The following CDKL5 variants were observed in gnomAD, a reference collection of about 807,000 sequenced individuals.
CDKL5 encodes cyclin-dependent kinase-like 5.
CDKL5 carries 8 observed loss-of-function variants against 61.7 expected under a neutral mutation model. The ratio of observed to expected loss-of-function variants is 0.13; its 90% CI spans 0.08 to 0.23. CDKL5 has a LOEUF of 0.23. Among genes scored for constraint, CDKL5 ranks in the 10% least tolerant of loss-of-function variants. The pLI is 1.00. For synonymous variants in CDKL5, 275 were observed against 272.3 expected (o/e 1.01, Z -0.10); for missense variants, 440 against 734.5 (o/e 0.60, Z 4.63).
intron 9 of CDKL5, 35 bp downstream of exon 9, chrX:18,588,178 A>G (rs998525792): frequency 2.2e-5 from 23 of 1,035,715 alleles, no homozygotes; most frequent in Non-Finnish European, 3.1e-5. Flanking sequence ...AATGGAATCA[A>G]TACTGCAGTA....
In CDKL5 at chrX:18,598,233, T is replaced by G. The variant is rs745323086; in HGVS notation, c.826-229T>G. The stretch of plus-strand genomic sequence containing the variant: ...TGTGTATATTTTGTAAAAGAAAATA[T>G]GTATATAGGATATTCAAAAAAGGGC... On this transcript the variant is annotated intron_variant, in intron 10 of 17. Transcript: ENST00000623535. Among the ~76,000 whole-genome samples, 6 of 111,545 alleles carry G rather than the reference T, an allele frequency of 5.4e-5. No homozygotes were observed. The East Asian group carries it at 1.7e-3, about 31-fold the overall frequency.
At position 18,632,835 on chromosome X, in the gene CDKL5, A is replaced by G; in HGVS notation, c.*4078A>G. On this transcript the variant is annotated 3_prime_UTR_variant, in exon 18 of 18. Coordinates refer to ENST00000623535, the MANE Select transcript of CDKL5 (RefSeq NM_001323289.2). ...TTTCCAGCCCCTCTTAGTTAAGATC[A>G]TAGTATCCTCACTTCTTAAACTAGT... 1.3e-6 allele frequency: 1 copy of G among 753,261 alleles called. No homozygotes were observed. Among genetic ancestry groups the G allele is most frequent in the African/African-American group, 2.3e-5 (1 of 43,926 alleles). The allele number at this position is 753,261 out of a possible 1,213,427, so 62.1% of individuals were successfully genotyped here.
chrX:18,509,197 G>GCACACGCGCACGCACACACA (rs1555940192), intron 2 of CDKL5, among the ~76,000 whole-genome samples: 3 of 64,314 alleles, frequency 4.7e-5, no homozygotes, highest in African/African-American at 1.8e-4. Flanking sequence ...CTCAAAACAC[G>GCACACGCGCACGCACACACA]CACACACACA....
At chrX:18,494,881 C>CA (rs1343122406) in intron 1 of CDKL5, among the ~76,000 whole-genome samples, 1 of 111,825 alleles carries the variant, frequency 8.9e-6, no homozygotes, top group East Asian at 2.8e-4. Context: ...GAGAATAAAG[C>CA]AAAATGAAGA....
intron 1 of CDKL5, among the ~76,000 whole-genome samples, chrX:18,432,920 A>C (rs1245835347): frequency 8.9e-6 from 1 of 112,282 alleles, no homozygotes; most frequent in African/African-American, 3.2e-5. Context: ...GGTCTAAAAG[A>C]TGTCCTTAAA....
intron 4 of CDKL5, among the ~76,000 whole-genome samples, chrX:18,570,691 C>T (rs1304042187): frequency 1.8e-5 from 2 of 111,698 alleles, no homozygotes; most frequent in African/African-American, 6.5e-5. Context: ...TTTCTAAGCC[C>T]ACAGTTCTTT....
chrX:18,548,907 A>T (rs990778789), intron 3 of CDKL5, among the ~76,000 whole-genome samples: 2 of 112,070 alleles, frequency 1.8e-5, no homozygotes, highest in African/African-American at 6.5e-5. Flanking sequence ...ACCTTGGTGC[A>T]TTGGCTTTAT....
At chrX:18,554,275 C>G (rs1372428144) in intron 3 of CDKL5, among the ~76,000 whole-genome samples, 1 of 105,285 alleles carries the variant, frequency 9.5e-6, no homozygotes, top group East Asian at 3.0e-4. Flanking sequence ...TCCAAGTGTT[C>G]TCATTTTGCC....
intron 1 of CDKL5, among the ~76,000 whole-genome samples, chrX:18,442,993 G>A (rs1602192832): frequency 9.0e-6 from 1 of 111,444 alleles, no homozygotes; most frequent in African/African-American, 3.3e-5. Context: ...CTCCTTAACC[G>A]TCAGCCCCTC....
intron 11 of CDKL5, among the ~76,000 whole-genome samples, chrX:18,600,745 G>T (rs1342507658): frequency 8.9e-6 from 1 of 111,823 alleles, no homozygotes; most frequent in Non-Finnish European, 1.9e-5. Flanking sequence ...CAGAAGATAT[G>T]ATTTGTTTGG....
chrX:18,620,605 C>G (rs1926862226), intron 16 of CDKL5, among the ~76,000 whole-genome samples: 1 of 111,644 alleles, frequency 9.0e-6, no homozygotes, highest in Non-Finnish European at 1.9e-5. Flanking sequence ...AAGCAAGGAT[C>G]CTGCTGGTTT....
intron 15 of CDKL5, among the ~76,000 whole-genome samples, chrX:18,618,961 A>G (rs781641044): frequency 9.0e-5 from 10 of 110,883 alleles, no homozygotes; most frequent in Admixed American, 3.9e-4. Flanking sequence ...AGAGCAAGAC[A>G]CTGTCTCAAA....
intron 1 of CDKL5, chrX:18,442,305 A>G (rs1303874428): frequency 9.0e-6 from 1 of 110,780 alleles, no homozygotes; most frequent in Non-Finnish European, 1.9e-5. Context: ...GTTTCACACT[A>G]TCTTTTCAGC....
intron 1 of CDKL5, among the ~76,000 whole-genome samples, chrX:18,441,079 G>A (rs760057634): frequency 9.0e-6 from 1 of 111,298 alleles, no homozygotes; most frequent in East Asian, 2.8e-4. Context: ...GGTCTGTGGA[G>A]GTTGTGAAAC....
intron 1 of CDKL5, among the ~76,000 whole-genome samples, chrX:18,484,219 G>A (rs776039222): frequency 5.4e-4 from 61 of 112,513 alleles, no homozygotes; most frequent in African/African-American, 1.9e-3. Context: ...AGAAGCGCAA[G>A]TAACTAACTA....
At chrX:18,466,835 T>C (rs901396138) in intron 1 of CDKL5, among the ~76,000 whole-genome samples, 1 of 111,548 alleles carries the variant, frequency 9.0e-6, no homozygotes, top group Non-Finnish European at 1.9e-5. Flanking sequence ...CTTGTTCTTA[T>C]GAGCCTCCTA....
intron 1 of CDKL5, among the ~76,000 whole-genome samples, chrX:18,485,098 CTTTTTTTTTT>C (rs767729217): frequency 9.9e-6 from 1 of 100,781 alleles, no homozygotes; most frequent in Non-Finnish European, 2.0e-5. Context: ...ATTTTTTTTT[CTTTTTTTTTT>C]TTAATATAAT....
At position 18,541,522 on chromosome X, in the gene CDKL5, G is replaced by T. The variant is rs184071430; in HGVS notation, c.100-22955G>T. On this transcript the variant is annotated intron_variant, in intron 3 of 17. Coordinates refer to ENST00000623535, the MANE Select transcript of CDKL5 (RefSeq NM_001323289.2). ...ATTTTTCAATTCATAAGGTTTTTTT[G>T]TTGTTGTTGTTCGTTTTTGTTTTTT... Among the ~76,000 whole-genome samples the T allele has an allele frequency of 6.3e-3, 703 of 111,136 alleles. 3 individuals carry two copies. The highest frequency in any genetic ancestry group is 0.033 in the Middle Eastern group (7 of 215).
At chrX:18,618,893 C>T (rs1404764378) in intron 15 of CDKL5, among the ~76,000 whole-genome samples, 2 of 110,923 alleles carry the variant, frequency 1.8e-5, no homozygotes, top group African/African-American at 3.3e-5. Context: ...CACTTGAACC[C>T]GGTAGGTGGA....
Sources: gnomAD v4.1 joint callset for allele counts (sites outside exome capture counted in the v4.1 genomes callset) on GRCh38, gnomAD v4.1.1 for gene constraint, MANE v1.5 for transcripts, NCBI Gene and HGNC (gene_info 2026-07-23, HGNC 2026-07-21) for gene names.